Variants in ITGB8 observed in about 807,000 individuals in gnomAD.
The protein encoded by ITGB8 is integrin subunit beta 8.
Under a neutral mutation model 89.5 loss-of-function variants are expected in ITGB8, and 30 were observed. The ratio of observed to expected loss-of-function variants is 0.34; its 90% CI spans 0.25 to 0.45. ITGB8 has a LOEUF of 0.45. Among genes scored for constraint, ITGB8 ranks in the 20% least tolerant of loss-of-function variants. The pLI is 1.00. For missense variants in ITGB8, 836 were observed against 933.3 expected (o/e 0.90, Z 1.36); for synonymous variants, 335 against 320.4 (o/e 1.05, Z -0.49).
chr7:20,409,390 TC>T (rs1206629718), intron 12 of ITGB8, among the ~76,000 whole-genome samples: 3 of 152,228 alleles, frequency 2.0e-5, no homozygotes, highest in African/African-American at 4.8e-5. Context: ...CATGGCTATT[TC>T]CCAAAGGAGG....
At chr7:20,332,295 T>C (rs1784431043) in intron 1 of ITGB8, among the ~76,000 whole-genome samples, 1 of 152,196 alleles carries the variant, frequency 6.6e-6, no homozygotes, top group Non-Finnish European at 1.5e-5. Flanking sequence ...CTCCCTATCT[T>C]TCTAACATTT....
At chr7:20,409,478 TTCAA>T (rs1296536413) in intron 12 of ITGB8, 133 bp from the exon 13 acceptor site, 1 of 610,148 alleles carries the variant, frequency 1.6e-6, no homozygotes, top group Non-Finnish European at 2.8e-6. Flanking sequence ...CAAAGGTAAT[TTCAA>T]TCCCGATTTG....
chr7:20,374,945 T>A (rs4313066), intron 3 of ITGB8, among the ~76,000 whole-genome samples: 142,760 of 152,248 alleles, frequency 0.94, 67,039 homozygotes, highest in East Asian at 0.99. Flanking sequence ...GAGGTAGACA[T>A]ATGAAGAGGT....
chr7:20,334,111 A>G (rs537023558), intron 1 of ITGB8, among the ~76,000 whole-genome samples: 14 of 152,288 alleles, frequency 9.2e-5, no homozygotes, highest in African/African-American at 3.4e-4. Context: ...GGTCTCGAAC[A>G]TATAGTGGAC....
At chr7:20,409,138 A>G (rs1395707960) in intron 12 of ITGB8, among the ~76,000 whole-genome samples, 1 of 152,182 alleles carries the variant, frequency 6.6e-6, no homozygotes, top group Non-Finnish European at 1.5e-5. Context: ...TTTATTTTCC[A>G]TTACTGGCAT....
intron 1 of ITGB8, among the ~76,000 whole-genome samples, chr7:20,356,186 G>C (rs1489113395): frequency 2.0e-5 from 3 of 152,134 alleles, no homozygotes; most frequent in Non-Finnish European, 4.4e-5. Context: ...AAAGAAGTAG[G>C]CCTAAGCACC....
At chr7:20,393,489 C>G (rs1242820546) in intron 7 of ITGB8, among the ~76,000 whole-genome samples, 2 of 152,156 alleles carry the variant, frequency 1.3e-5, no homozygotes, top group Non-Finnish European at 2.9e-5. Context: ...CCAGAGTGAT[C>G]TATTGAAATC....
intron 1 of ITGB8, among the ~76,000 whole-genome samples, chr7:20,342,769 G>A (rs1003137211): frequency 6.6e-6 from 1 of 152,152 alleles, no homozygotes; most frequent in African/African-American, 2.4e-5. Flanking sequence ...GGAATCAATG[G>A]TCACAGATAT....
chr7:20,353,258 G>C (rs552068782), intron 1 of ITGB8: 1 of 152,316 alleles, frequency 6.6e-6, no homozygotes, highest in East Asian at 1.9e-4. Context: ...TAGCGTAAAG[G>C]CCTGTTGTAA....
At chr7:20,384,181 A>G (rs1483763302) in intron 6 of ITGB8, among the ~76,000 whole-genome samples, 1 of 152,280 alleles carries the variant, frequency 6.6e-6, no homozygotes, top group East Asian at 1.9e-4. Flanking sequence ...CTATTTGGCC[A>G]TTATGGAGGA....
At chr7:20,391,607 C>G (rs1786860899) in intron 7 of ITGB8, 109 bp downstream of exon 7, 1 of 546,984 alleles carries the variant, frequency 1.8e-6, no homozygotes, top group Non-Finnish European at 3.2e-6. Context: ...ATACTTTGTA[C>G]AATCTAAATT....
intron 1 of ITGB8, among the ~76,000 whole-genome samples, chr7:20,336,436 C>T (rs950024719): frequency 3.3e-5 from 5 of 152,216 alleles, no homozygotes; most frequent in African/African-American, 9.6e-5. Context: ...AAGACCCTAA[C>T]GCATTCAAAA....
At chr7:20,394,365 C>A (rs1583530555) in intron 7 of ITGB8, among the ~76,000 whole-genome samples, 1 of 152,178 alleles carries the variant, frequency 6.6e-6, no homozygotes, top group Non-Finnish European at 1.5e-5. Context: ...GCATCAAGAA[C>A]ACATACCCCA....
chr7:20,357,050 T>G (rs1047667448), intron 1 of ITGB8, among the ~76,000 whole-genome samples: 12 of 152,310 alleles, frequency 7.9e-5, no homozygotes, highest in Admixed American at 2.0e-4. Flanking sequence ...TGATGGATAT[T>G]TATTATACTT....
At chr7:20,387,256 T>C (rs975112241) in intron 6 of ITGB8, among the ~76,000 whole-genome samples, 4 of 152,238 alleles carry the variant, frequency 2.6e-5, no homozygotes, top group African/African-American at 9.6e-5. Flanking sequence ...ATCAGCATCT[T>C]GTCTGGAATC....
At chr7:20,401,288 G>C (rs924034461) in intron 9 of ITGB8, among the ~76,000 whole-genome samples, 2 of 152,044 alleles carry the variant, frequency 1.3e-5, no homozygotes, top group Non-Finnish European at 2.9e-5. Flanking sequence ...CTCATCTCAG[G>C]GTTTTAAACC....
chr7:20,367,702 C>A (rs1411965371), intron 3 of ITGB8, among the ~76,000 whole-genome samples: 13 of 152,164 alleles, frequency 8.5e-5, no homozygotes, highest in Admixed American at 8.5e-4. Context: ...CTTTTAATCA[C>A]AAAGCTGCAA....
At position 20,407,414 on chromosome 7, in the gene ITGB8, A is replaced by G. The variant is rs550813894; in HGVS notation, c.2023+1243A>G. ...TAGAACCCAGAACCTTACTTTGCAC[A>G]GGGGTAAGGTGTGGAACTCCACGGG... On this transcript the variant is annotated intron_variant, in intron 12 of 13. Coordinates refer to ENST00000222573, the MANE Select transcript of ITGB8 (RefSeq NM_002214.3). 3.9e-5 allele frequency among the ~76,000 whole-genome samples: 6 copies of G among 152,274 alleles called. No homozygotes were observed. The South Asian group carries it at 1.2e-3, about 32-fold the overall frequency.
chr7:20,405,140 G>A (rs1279707758), intron 11 of ITGB8, among the ~76,000 whole-genome samples: 1 of 151,250 alleles, frequency 6.6e-6, no homozygotes, highest in Non-Finnish European at 1.5e-5. Flanking sequence ...TCTCGGACAA[G>A]TTGTTATAAT....
Sources: allele counts gnomAD v4.1 joint callset (sites outside exome capture counted in the v4.1 genomes callset), GRCh38; gene constraint gnomAD v4.1.1; transcripts MANE v1.5; gene names NCBI Gene and HGNC (gene_info 2026-07-23, HGNC 2026-07-21).